ZMIZ1: variants seen among roughly 807,000 people sequenced by gnomAD.
ZMIZ1 encodes zinc finger MIZ domain-containing protein 1.
Under a neutral mutation model 113.9 loss-of-function variants are expected in ZMIZ1, and 17 were observed. The observed-to-expected ratio is 0.15, with a 90% CI of 0.10 to 0.22. The LOEUF (loss-of-function observed/expected upper bound fraction) is 0.22, where lower values mean the gene tolerates loss of function less well. ZMIZ1 is among the 10% of genes least tolerant of loss of function. The probability of loss-of-function intolerance (pLI) is 1.00; values close to 1 mark genes in which losing one functional copy is unlikely to be tolerated. For synonymous variants in ZMIZ1, 607 were observed against 603.1 expected, an observed-to-expected ratio of 1.01 and a Z score of -0.09; for missense variants, 1,059 against 1,477.8, an observed-to-expected ratio of 0.72 and a Z score of 4.65.
intron 24 of ZMIZ1, among the ~76,000 whole-genome samples, 194 bp downstream of exon 24, chr10:79,311,378 C>T (rs1855148470): frequency 6.6e-6 from 1 of 152,162 alleles, no homozygotes; most frequent in Admixed American, 6.5e-5. Flanking sequence ...GGGTCCCCAC[C>T]CTGCTGGCTC....
chr10:79,260,373 C>T lies in ZMIZ1; in HGVS notation c.281-16808C>T, dbSNP rs114648081. Among the ~76,000 whole-genome samples, 315 of 152,160 alleles carry T rather than the reference C, an allele frequency of 2.1e-3. 2 individuals carry two copies. The highest frequency in any genetic ancestry group is 7.2e-3 in the African/African-American group (300 of 41,490). Reference sequence around the variant, plus strand: ...GGCAGGGGAGGAAAATAGAGGGAGTCGGTGGTGGGGAGGTACGACAATTCA... The same window carrying T: ...GGCAGGGGAGGAAAATAGAGGGAGTTGGTGGTGGGGAGGTACGACAATTCA... On this transcript the variant is annotated intron_variant, in intron 7 of 24. Coordinates refer to ENST00000334512, the MANE Select transcript of ZMIZ1 (RefSeq NM_020338.4).
At chr10:79,188,628 C>G (rs1238849532) in intron 4 of ZMIZ1, among the ~76,000 whole-genome samples, 3 of 151,558 alleles carry the variant, frequency 2.0e-5, no homozygotes, top group Non-Finnish European at 4.4e-5. Flanking sequence ...TCCCCCACCC[C>G]CCTAGTATCC....
intron 7 of ZMIZ1, among the ~76,000 whole-genome samples, chr10:79,254,487 G>A (rs578220257): frequency 4.6e-5 from 7 of 152,250 alleles, no homozygotes; most frequent in South Asian, 2.1e-4. Context: ...GGAGGCTGCC[G>A]AGTGCTGCTC....
chr10:79,110,187 T>G (rs535856073), intron 1 of ZMIZ1, among the ~76,000 whole-genome samples: 27 of 152,384 alleles, frequency 1.8e-4, no homozygotes, highest in African/African-American at 6.5e-4. Context: ...TCCTCATCTT[T>G]CCAGCAGGCA....
intron 1 of ZMIZ1, among the ~76,000 whole-genome samples, chr10:79,113,494 A>AT (rs1843840729): frequency 6.6e-6 from 1 of 152,130 alleles, no homozygotes; most frequent in Non-Finnish European, 1.5e-5. Context: ...CCTGGCCTGA[A>AT]TGTGACTGGT....
intron 1 of ZMIZ1, among the ~76,000 whole-genome samples, chr10:79,093,161 CACACACACACACACAT>C (rs1442854362): frequency 9.0e-5 from 13 of 144,126 alleles, no homozygotes; most frequent in African/African-American, 3.0e-4. Flanking sequence ...CACACACACA[CACACACACACACACAT>C]ATTCAGGGGA....
At chr10:79,204,732 A>G (rs983265743) in intron 5 of ZMIZ1, among the ~76,000 whole-genome samples, 24 of 152,214 alleles carry the variant, frequency 1.6e-4, no homozygotes, top group African/African-American at 5.5e-4. Context: ...ATGGATACAT[A>G]AGAGAATGGA....
intron 6 of ZMIZ1, among the ~76,000 whole-genome samples, chr10:79,215,589 A>C (rs1460200107): frequency 6.6e-6 from 1 of 152,100 alleles, no homozygotes; most frequent in East Asian, 1.9e-4. Flanking sequence ...GTGAGCCACC[A>C]CACCTGGCCT....
chr10:79,105,859 T>C (rs1476440841), intron 1 of ZMIZ1, among the ~76,000 whole-genome samples: 1 of 152,192 alleles, frequency 6.6e-6, no homozygotes, highest in Non-Finnish European at 1.5e-5. Flanking sequence ...ATCAGGAAGA[T>C]GGGAGGAAAT....
chr10:79,141,702 C>T (rs1845279442), intron 3 of ZMIZ1, among the ~76,000 whole-genome samples: 1 of 152,240 alleles, frequency 6.6e-6, no homozygotes. Context: ...GCCACTCTGC[C>T]TGACCCAAGA....
intron 22 of ZMIZ1, among the ~76,000 whole-genome samples, chr10:79,306,871 A>G (rs1431454579): frequency 6.6e-6 from 1 of 151,968 alleles, no homozygotes; most frequent in South Asian, 2.1e-4. Flanking sequence ...ACCTAGCCGA[A>G]CTCCCACAGT....
In ZMIZ1 at chr10:79,311,080, C is replaced by T. The variant is rs1564610530; in HGVS notation, c.2992C>T (p.Pro998Ser). ...QPPRQPPQAA[P>S]SSHPHSDLTF... ...TCCCCGGCAGCCGCCACAGGCCGCT[C>T]CCAGCAGCCATCCACACAGCGACCT... is the stretch of plus-strand genomic sequence containing the variant. Residue 998 changes from proline to serine, a missense_variant, in exon 24 of 25, where the codon CCC becomes TCC. By Grantham distance (74) the Pro-to-Ser change is moderately conservative. Around this residue, in one of 6 missense-constraint regions of ZMIZ1, gnomAD observed 225 missense variants for 276.0 expected, o/e 0.82. Transcript: ENST00000334512. The T allele has an allele frequency of 1.9e-6, 3 of 1,613,726 alleles. No homozygotes were observed. Among genetic ancestry groups the T allele is most frequent in the African/African-American group, 1.3e-5 (1 of 75,058 alleles).
intron 4 of ZMIZ1, among the ~76,000 whole-genome samples, chr10:79,194,072 C>T (rs1244588947): frequency 6.6e-6 from 1 of 152,234 alleles, no homozygotes; most frequent in African/African-American, 2.4e-5. Context: ...GCAGCCTCTG[C>T]TCGCGGGCTG....
At chr10:79,104,927 T>C (rs1843496925) in intron 1 of ZMIZ1, among the ~76,000 whole-genome samples, 1 of 151,094 alleles carries the variant, frequency 6.6e-6, no homozygotes, top group Non-Finnish European at 1.5e-5. Flanking sequence ...GTGGTTGCTG[T>C]TGTTGTTGGG....
intron 2 of ZMIZ1, among the ~76,000 whole-genome samples, chr10:79,119,532 T>G (rs1341876397): frequency 6.6e-6 from 1 of 152,204 alleles, no homozygotes; most frequent in Non-Finnish European, 1.5e-5. Flanking sequence ...CACACCTGGC[T>G]GAGCCTAGGG....
intron 3 of ZMIZ1, among the ~76,000 whole-genome samples, chr10:79,142,116 G>A (rs1267254143): frequency 6.6e-6 from 1 of 152,118 alleles, no homozygotes; most frequent in East Asian, 1.9e-4. Flanking sequence ...GAAGGGAGGT[G>A]GTTATTTGCT....
chr10:79,174,871 C>T lies in ZMIZ1; in HGVS notation c.-50+12738C>T, dbSNP rs533737139. Among the ~76,000 whole-genome samples, 26 of 152,324 alleles carry T rather than the reference C, an allele frequency of 1.7e-4. 1 individual carries two copies. The South Asian group carries it at 2.1e-3, about 12-fold the overall frequency. On this transcript the variant is annotated intron_variant, in intron 4 of 24. Transcript: ENST00000334512. ...AACTGAGGACATAAGGGGCTTTGCC[C>T]GAAGAAGCCCAGGCCATTGCAGAGG...
intron 4 of ZMIZ1, among the ~76,000 whole-genome samples, chr10:79,175,583 CGTGTGTGTGTGTGTGTGTGTGTGT>C (rs757004699): frequency 8.0e-6 from 1 of 125,304 alleles, no homozygotes; most frequent in Non-Finnish European, 1.7e-5. Flanking sequence ...GTGCACTCTG[CGTGTGTGTGTGTGTGTGTGTGTGT>C]GTGTGTGTGT....
intron 1 of ZMIZ1, among the ~76,000 whole-genome samples, chr10:79,114,861 G>A (rs1448122674): frequency 6.6e-6 from 1 of 152,174 alleles, no homozygotes; most frequent in Admixed American, 6.5e-5. Flanking sequence ...TCCAGGTGGG[G>A]TGTGGGTGGT....
Sources: allele counts gnomAD v4.1 joint callset (sites outside exome capture counted in the v4.1 genomes callset), GRCh38; gene constraint gnomAD v4.1.1; regional missense constraint gnomAD v4.1.1; transcripts MANE v1.5; gene names NCBI Gene and HGNC (gene_info 2026-07-23, HGNC 2026-07-21).